The following ZC2HC1A variants were observed in gnomAD, a reference collection of about 807,000 sequenced individuals.
ZC2HC1A encodes the protein zinc finger C2HC domain-containing protein 1A.
In ZC2HC1A, 28 loss-of-function variants were observed where a neutral mutation model predicts 40.7. The observed-to-expected ratio is 0.69, with a 90% CI of 0.51 to 0.94. The LOEUF (loss-of-function observed/expected upper bound fraction) is 0.94. ZC2HC1A is among the 40% of genes least tolerant of loss of function. The probability of loss-of-function intolerance (pLI) is 0.00; values close to 1 mark genes in which losing one functional copy is unlikely to be tolerated. For missense variants in ZC2HC1A, 389 were observed against 386.3 expected (o/e 1.01, Z -0.06); for synonymous variants, 129 against 129.2 (o/e 1.00, Z 0.01).
At chr8:78,693,674 C>G (rs1394866891) in intron 5 of ZC2HC1A, among the ~76,000 whole-genome samples, 1 of 152,086 alleles carries the variant, frequency 6.6e-6, no homozygotes, top group African/African-American at 2.4e-5. Flanking sequence ...TTCTCCCATT[C>G]TGTAGGTTGC....
chr8:78,689,474 A>G, intron 5 of ZC2HC1A, 101 bp downstream of exon 5: 13 of 1,118,654 alleles, frequency 1.2e-5, no homozygotes, highest in South Asian at 2.6e-5. Flanking sequence ...TATTTTTCTC[A>G]CCTGCTTTTA....
intron 1 of ZC2HC1A, among the ~76,000 whole-genome samples, chr8:78,667,528 C>A (rs1327332219): frequency 1.3e-5 from 2 of 151,968 alleles, no homozygotes; most frequent in Non-Finnish European, 1.5e-5. Flanking sequence ...GAACAGTTTG[C>A]AGATTTTTAT....
intron 7 of ZC2HC1A, among the ~76,000 whole-genome samples, chr8:78,710,740 A>G (rs1331922696): frequency 6.6e-6 from 1 of 152,078 alleles, no homozygotes; most frequent in African/African-American, 2.4e-5. Flanking sequence ...AACAAATTAA[A>G]AACAAATTTT....
chr8:78,685,591 A>G (rs1220366897), intron 3 of ZC2HC1A, among the ~76,000 whole-genome samples: 1 of 152,210 alleles, frequency 6.6e-6, no homozygotes, highest in Non-Finnish European at 1.5e-5. Flanking sequence ...CAATAACTCA[A>G]CAAATAAGTT....
chr8:78,667,736 G>A (rs529656082), intron 1 of ZC2HC1A, among the ~76,000 whole-genome samples: 5 of 152,192 alleles, frequency 3.3e-5, no homozygotes, highest in Admixed American at 3.3e-4. Context: ...TACTCTCATC[G>A]AACCTACATT....
intron 7 of ZC2HC1A, among the ~76,000 whole-genome samples, chr8:78,705,718 C>G (rs117195917): frequency 0.014 from 2,071 of 152,308 alleles, 26 homozygotes; most frequent in South Asian, 0.031. Flanking sequence ...CCTGCACACC[C>G]TGTGGGAGTT....
Position 78,689,252 on chromosome 8 carries a change from G to T in ZC2HC1A, c.383G>T (p.Arg128Ile). The change falls in exon 5 of 9, where the codon AGA becomes ATA. Residue 128 changes from arginine (R) to isoleucine (I), a missense_variant. Transcript: ENST00000263849. ...ATTCAATGTCCATATTGTCAGAGGAGATTCAATGAAAATGCAGCTGATAGA... is the reference window on the plus strand; with the variant it reads ...ATTCAATGTCCATATTGTCAGAGGATATTCAATGAAAATGCAGCTGATAGA... The part of the protein sequence containing the change: ...DYIQCPYCQR[R>I]FNENAADRHI... 1 of 1,589,248 alleles carries T rather than the reference G, an allele frequency of 6.3e-7. No homozygotes were observed. The highest frequency in any genetic ancestry group is 1.2e-5 in the South Asian group (1 of 86,950).
At chr8:78,695,656 C>A (rs11993326) in intron 5 of ZC2HC1A, among the ~76,000 whole-genome samples, 21,680 of 151,950 alleles carry the variant, frequency 0.14, 1,702 homozygotes, top group Middle Eastern at 0.28. Context: ...CTTTCTCTCT[C>A]TATATATATA....
At chr8:78,714,370 T>A (rs1044053914) in intron 7 of ZC2HC1A, among the ~76,000 whole-genome samples, 12 of 152,282 alleles carry the variant, frequency 7.9e-5, no homozygotes, top group Non-Finnish European at 1.8e-4. Context: ...CACTATTATA[T>A]AAATGTTAAC....
chr8:78,693,047 C>A (rs1230373288), intron 5 of ZC2HC1A, among the ~76,000 whole-genome samples: 2 of 151,972 alleles, frequency 1.3e-5, no homozygotes, highest in African/African-American at 4.8e-5. Flanking sequence ...CATGTCCCTA[C>A]AAAGGACATG....
At chr8:78,699,505 G>A (rs181350274) in intron 7 of ZC2HC1A, among the ~76,000 whole-genome samples, 25 of 152,042 alleles carry the variant, frequency 1.6e-4, no homozygotes, top group African/African-American at 5.8e-4. Context: ...ACAAGTGCAG[G>A]TTTGTTACAT....
intron 7 of ZC2HC1A, among the ~76,000 whole-genome samples, chr8:78,702,398 T>G (rs1479896835): frequency 6.6e-6 from 1 of 152,182 alleles, no homozygotes; most frequent in East Asian, 1.9e-4. Flanking sequence ...ATATATTTTA[T>G]CAATTTTTTA....
intron 7 of ZC2HC1A, among the ~76,000 whole-genome samples, chr8:78,702,765 G>T (rs906051436): frequency 6.6e-6 from 1 of 151,790 alleles, no homozygotes; most frequent in Non-Finnish European, 1.5e-5. Flanking sequence ...GTAGTTGTAG[G>T]GTTTTGAGTT....
chr8:78,692,246 G>GTA (rs1810235248), intron 5 of ZC2HC1A, among the ~76,000 whole-genome samples: 1 of 152,088 alleles, frequency 6.6e-6, no homozygotes, highest in Admixed American at 6.6e-5. Context: ...CTGCTGCTTA[G>GTA]AGTTCCATTG....
At chr8:78,704,600 C>G (rs1337273160) in intron 7 of ZC2HC1A, among the ~76,000 whole-genome samples, 1 of 152,050 alleles carries the variant, frequency 6.6e-6, no homozygotes, top group Non-Finnish European at 1.5e-5. Flanking sequence ...TCATGAGTAT[C>G]TTACTGGGGT....
intron 3 of ZC2HC1A, among the ~76,000 whole-genome samples, chr8:78,681,067 G>T (rs946220863): frequency 6.6e-6 from 1 of 151,980 alleles, no homozygotes; most frequent in Non-Finnish European, 1.5e-5. Flanking sequence ...AACATAAAAG[G>T]CTGTGACCTT....
intron 2 of ZC2HC1A, 83 bp from the exon 3 acceptor site, chr8:78,678,480 A>G: frequency 1.0e-6 from 1 of 982,524 alleles, no homozygotes; most frequent in African/African-American, 1.7e-5. Context: ...AGATTTTTAA[A>G]CTGGTCTCAA....
At chr8:78,704,163 C>T (rs976053382) in intron 7 of ZC2HC1A, among the ~76,000 whole-genome samples, 14 of 152,144 alleles carry the variant, frequency 9.2e-5, no homozygotes, top group African/African-American at 3.4e-4. Flanking sequence ...GAGCGGATCA[C>T]CTGAGGTCAG....
At chr8:78,696,031 CA>C (rs1810389150) in intron 5 of ZC2HC1A, among the ~76,000 whole-genome samples, 1 of 151,442 alleles carries the variant, frequency 6.6e-6, no homozygotes, top group Admixed American at 6.6e-5. Context: ...AATTTAAAAC[CA>C]ATTTTTCTTT....
Sources: allele counts gnomAD v4.1 joint callset (sites outside exome capture counted in the v4.1 genomes callset), GRCh38; gene constraint gnomAD v4.1.1; transcripts MANE v1.5; gene names NCBI Gene and HGNC (gene_info 2026-07-23, HGNC 2026-07-21).